Variants in AGBL4 observed in about 807,000 individuals in gnomAD.
The protein encoded by AGBL4 is AGBL carboxypeptidase 4, also known as cytosolic carboxypeptidase 6.
Under a neutral mutation model 66.4 loss-of-function variants are expected in AGBL4, and 58 were observed. That is an observed-to-expected ratio of 0.87 (90% CI 0.71 to 1.09). The LOEUF is 1.09. AGBL4 is among the 50% of genes least tolerant of loss of function. AGBL4 has a pLI of 0.00. For missense variants in AGBL4, 579 were observed against 631.0 expected (o/e 0.92, Z 0.88); for synonymous variants, 234 against 222.9 (o/e 1.05, Z -0.44).
intron 1 of AGBL4, among the ~76,000 whole-genome samples, chr1:50,015,260 C>T (rs527912354): frequency 2.6e-5 from 4 of 152,230 alleles, no homozygotes; most frequent in African/African-American, 9.6e-5. Flanking sequence ...GTTCTCTGGC[C>T]TCAGAATTCT....
intron 2 of AGBL4, among the ~76,000 whole-genome samples, chr1:49,743,286 A>G (rs1650693610): frequency 2.0e-5 from 3 of 152,242 alleles, no homozygotes; most frequent in African/African-American, 7.2e-5. Flanking sequence ...TATGCAGCCA[A>G]CAGACACATG....
intron 2 of AGBL4, among the ~76,000 whole-genome samples, chr1:49,719,541 G>A (rs1195410292): frequency 5.9e-5 from 9 of 152,066 alleles, no homozygotes; most frequent in Non-Finnish European, 1.2e-4. Flanking sequence ...CTAGGAAGAC[G>A]AAAAATAAAT....
At chr1:49,756,364 C>CA (rs1651884498) in intron 2 of AGBL4, among the ~76,000 whole-genome samples, 1 of 152,058 alleles carries the variant, frequency 6.6e-6, no homozygotes, top group East Asian at 1.9e-4. Context: ...GATTGAAAAT[C>CA]AGGCCACAGT....
At chr1:49,014,133 A>G (rs1262082018) in intron 5 of AGBL4, among the ~76,000 whole-genome samples, 2 of 152,158 alleles carry the variant, frequency 1.3e-5, no homozygotes, top group Non-Finnish European at 2.9e-5. Flanking sequence ...CTCCATGTGC[A>G]CATCCCAGGA....
intron 5 of AGBL4, among the ~76,000 whole-genome samples, chr1:49,003,036 C>G (rs1379428104): frequency 6.6e-6 from 1 of 152,130 alleles, no homozygotes; most frequent in Admixed American, 6.5e-5. Flanking sequence ...GAAGAACATA[C>G]CTTGTTTTAT....
At chr1:48,626,529 G>A (rs2148404159) in intron 9 of AGBL4, among the ~76,000 whole-genome samples, 1 of 152,346 alleles carries the variant, frequency 6.6e-6, no homozygotes, top group Non-Finnish European at 1.5e-5. Flanking sequence ...TGGATCAAGA[G>A]CTATACCCAA....
At chr1:49,679,840 T>G (rs186872583) in intron 3 of AGBL4, among the ~76,000 whole-genome samples, 21 of 152,192 alleles carry the variant, frequency 1.4e-4, no homozygotes, top group Admixed American at 1.3e-3. Flanking sequence ...TATGCAGAAA[T>G]TTTACATCTC....
At chr1:49,123,437 G>A (rs939855258) in intron 4 of AGBL4, among the ~76,000 whole-genome samples, 1 of 152,088 alleles carries the variant, frequency 6.6e-6, no homozygotes, top group Non-Finnish European at 1.5e-5. Flanking sequence ...ACAGAAAATA[G>A]CCTAAAATTA....
At chr1:48,614,270 C>T (rs1174541205) in intron 9 of AGBL4, among the ~76,000 whole-genome samples, 1 of 152,184 alleles carries the variant, frequency 6.6e-6, no homozygotes, top group African/African-American at 2.4e-5. Context: ...GTAATAAATG[C>T]CAAATGAATC....
At chr1:48,538,119 A>G (rs571657584) in intron 12 of AGBL4, among the ~76,000 whole-genome samples, 15 of 152,322 alleles carry the variant, frequency 9.8e-5, no homozygotes, top group Admixed American at 9.2e-4. Context: ...TTTAGAAACA[A>G]TCTGGGACAG....
chr1:48,733,945 C>T (rs912074648), intron 6 of AGBL4, among the ~76,000 whole-genome samples: 2 of 152,124 alleles, frequency 1.3e-5, no homozygotes, highest in Admixed American at 1.3e-4. Context: ...TGATTTTATA[C>T]CATGTGATAA....
chr1:49,589,153 T>C (rs934402392), intron 3 of AGBL4, among the ~76,000 whole-genome samples: 2 of 152,100 alleles, frequency 1.3e-5, no homozygotes, highest in Admixed American at 6.6e-5. Context: ...ATAAGCTGAG[T>C]TGAACTAGAA....
At chr1:49,959,851 A>G (rs1308409307) in intron 1 of AGBL4, among the ~76,000 whole-genome samples, 3 of 152,136 alleles carry the variant, frequency 2.0e-5, no homozygotes, top group African/African-American at 4.8e-5. Flanking sequence ...CTATGCAGCT[A>G]TAAAAAGAAT....
chr1:49,880,855 T>C (rs1438897626), intron 1 of AGBL4, among the ~76,000 whole-genome samples: 1 of 151,972 alleles, frequency 6.6e-6, no homozygotes, highest in African/African-American at 2.4e-5. Context: ...TGGGATATAG[T>C]CTCGTGGTGC....
intron 3 of AGBL4, among the ~76,000 whole-genome samples, chr1:49,341,215 G>T (rs1645533358): frequency 6.6e-6 from 1 of 152,056 alleles, no homozygotes; most frequent in Non-Finnish European, 1.5e-5. Flanking sequence ...CCCTCTCTTG[G>T]GGTCTGGATC....
intron 4 of AGBL4, among the ~76,000 whole-genome samples, chr1:49,122,764 T>A (rs1645683949): frequency 1.3e-5 from 2 of 152,208 alleles, no homozygotes; most frequent in South Asian, 2.1e-4. Context: ...ATGTTTTTTA[T>A]AAGGATTGAA....
chr1:49,542,967 ATATTTGGCTTTC>A, intron 3 of AGBL4, among the ~76,000 whole-genome samples: 1 of 151,700 alleles, frequency 6.6e-6, no homozygotes, highest in Non-Finnish European at 1.5e-5. Context: ...TCCTGAATGA[ATATTTGGCTTTC>A]TAGATGCTAA....
intron 6 of AGBL4, among the ~76,000 whole-genome samples, chr1:48,721,441 T>C (rs1345299317): frequency 6.6e-6 from 1 of 152,196 alleles, no homozygotes; most frequent in Admixed American, 6.5e-5. Flanking sequence ...TGACATTTGT[T>C]CCCTGTGTGG....
chr1:48,999,591 A>AGCAC (rs1218712216), intron 5 of AGBL4, among the ~76,000 whole-genome samples: 1 of 152,204 alleles, frequency 6.6e-6, no homozygotes, highest in Non-Finnish European at 1.5e-5. Context: ...AAGGCTGTGC[A>AGCAC]GCACGAGAAA....
Sources: allele counts gnomAD v4.1 joint callset (sites outside exome capture counted in the v4.1 genomes callset), GRCh38; gene constraint gnomAD v4.1.1; transcripts MANE v1.5; gene names NCBI Gene and HGNC (gene_info 2026-07-23, HGNC 2026-07-21).